Variants in RBM6 observed in about 807,000 individuals in gnomAD.
RBM6 encodes RNA binding motif protein 6.
A neutral mutation model predicts 140.4 loss-of-function variants in RBM6; 23 were observed. That is an observed-to-expected ratio of 0.16 (90% CI 0.12 to 0.23). The LOEUF is 0.23. Ranked by LOEUF, RBM6 falls within the 10% of genes least tolerant of loss-of-function variation. The probability of loss-of-function intolerance (pLI) is 1.00; values close to 1 mark genes in which losing one functional copy is unlikely to be tolerated. For synonymous variants in RBM6, 439 were observed against 475.6 expected, an observed-to-expected ratio of 0.92 and a Z score of 1.00; for missense variants, 1,139 against 1,386.7, an observed-to-expected ratio of 0.82 and a Z score of 2.84.
chr3:50,021,715 A>T (rs975227982), intron 6 of RBM6, among the ~76,000 whole-genome samples: 1 of 138,940 alleles, frequency 7.2e-6, no homozygotes, highest in African/African-American at 2.7e-5. Flanking sequence ...TGATATATTC[A>T]TCTCCATACT....
intron 16 of RBM6, chr3:50,065,685 C>A (rs965245294): frequency 6.6e-6 from 3 of 455,362 alleles, no homozygotes; most frequent in Non-Finnish European, 1.3e-5. Context: ...TGATCATAGA[C>A]CAATGATTAT....
At chr3:50,004,729 C>G (rs972768467) in intron 6 of RBM6, among the ~76,000 whole-genome samples, 3 of 152,056 alleles carry the variant, frequency 2.0e-5, no homozygotes, top group Non-Finnish European at 4.4e-5. Context: ...AAGCAATCCT[C>G]TCACCTCAGC....
Position 49,980,887 on chromosome 3 carries a change from A to G in RBM6, c.1483+5495A>G, listed in dbSNP as rs143056694. 2.8e-4 allele frequency among the ~76,000 whole-genome samples: 42 copies of G among 151,896 alleles called. 2 individuals are homozygous for G. Among genetic ancestry groups the G allele is most frequent in the East Asian group, 1.9e-3 (10 of 5,174 alleles). On this transcript the variant is annotated intron_variant, in intron 5 of 20. Coordinates refer to ENST00000266022, the MANE Select transcript of RBM6 (RefSeq NM_005777.3). ...CAATAAAAAGTTGAAAAACTGACAA[A>G]ACTGATTTATTTTATTTTATTTTTT... is the stretch of plus-strand genomic sequence containing the variant.
At chr3:50,028,054 T>G (rs1157783750) in intron 6 of RBM6, among the ~76,000 whole-genome samples, 1 of 124,238 alleles carries the variant, frequency 8.0e-6, no homozygotes, top group East Asian at 3.4e-4. Flanking sequence ...TGGTTTGGGG[T>G]TTTGTACTTG....
intron 5 of RBM6, chr3:49,981,485 A>G (rs1051765307): frequency 2.0e-5 from 3 of 152,210 alleles, no homozygotes; most frequent in Non-Finnish European, 2.9e-5. Context: ...GTGTTTGTTT[A>G]GATTCTTTAT....
At chr3:50,040,493 T>TATATATACACACACAC (rs749096137) in intron 6 of RBM6, among the ~76,000 whole-genome samples, 1 of 85,880 alleles carries the variant, frequency 1.2e-5, no homozygotes, top group African/African-American at 4.6e-5. Flanking sequence ...TATATATATA[T>TATATATACACACACAC]ACACACACAC....
At chr3:50,045,731 G>A (rs1420657899) in intron 6 of RBM6, among the ~76,000 whole-genome samples, 1 of 151,974 alleles carries the variant, frequency 6.6e-6, no homozygotes, top group African/African-American at 2.4e-5. Flanking sequence ...TGGTTCCTAG[G>A]GCTTATAATG....
chr3:49,946,357 C>T (rs1032104389), intron 1 of RBM6, among the ~76,000 whole-genome samples: 1 of 151,986 alleles, frequency 6.6e-6, no homozygotes, highest in African/African-American at 2.4e-5. Context: ...TCTCCTGCCT[C>T]AGCCTCCCGA....
intron 6 of RBM6, among the ~76,000 whole-genome samples, chr3:50,047,706 T>G (rs1410350146): frequency 6.6e-6 from 1 of 152,222 alleles, no homozygotes; most frequent in East Asian, 1.9e-4. Flanking sequence ...CTTCCTCCTT[T>G]CTTCCTGTCT....
intron 2 of RBM6, among the ~76,000 whole-genome samples, chr3:49,964,922 C>T (rs2084439309): frequency 6.6e-6 from 1 of 152,060 alleles, no homozygotes; most frequent in South Asian, 2.1e-4. Context: ...TCATTATATG[C>T]TGTTTTTTAA....
rs767295477 is a variant in RBM6 at position 50,075,287 on chromosome 3, C to A, written c.3203C>A (p.Thr1068Lys). ...VQQATGWRKG[T>K]GLGYGHPGLA... The stretch of plus-strand genomic sequence containing the variant: ...CAGGCTACTGGCTGGAGGAAAGGGA[C>A]AGGCCTGGGATATGGCCATCCTGGA... The change falls in exon 20 of 21, where the codon ACA (threonine) becomes AAA (lysine). Residue 1068 changes from threonine to lysine, a missense_variant. Thr to Lys is a moderately conservative substitution (Grantham distance 78). Coordinates refer to ENST00000266022, the MANE Select transcript of RBM6 (RefSeq NM_005777.3). 2 of 1,614,146 alleles carry A rather than the reference C, an allele frequency of 1.2e-6. No individual in the cohort carries two copies. The highest frequency in any genetic ancestry group is 1.7e-6 in the Non-Finnish European group (2 of 1,180,016).
At chr3:49,984,984 C>T (rs1399004699) in intron 5 of RBM6, among the ~76,000 whole-genome samples, 3 of 152,200 alleles carry the variant, frequency 2.0e-5, no homozygotes, top group African/African-American at 7.2e-5. Flanking sequence ...TTACAGCCCT[C>T]TGTCAGTTCC....
intron 5 of RBM6, among the ~76,000 whole-genome samples, chr3:49,996,608 C>T (rs957709085): frequency 2.6e-5 from 4 of 152,128 alleles, no homozygotes; most frequent in Admixed American, 2.6e-4. Context: ...CTAGTATAAT[C>T]AGCTCCTTAG....
chr3:49,941,964 G>A (rs929823017), intron 1 of RBM6, among the ~76,000 whole-genome samples: 1 of 151,748 alleles, frequency 6.6e-6, no homozygotes, highest in South Asian at 2.1e-4. Context: ...GCCAGGCGTG[G>A]TGGCATGCTC....
At chr3:50,025,917 A>G (rs2087789115) in intron 6 of RBM6, among the ~76,000 whole-genome samples, 1 of 152,028 alleles carries the variant, frequency 6.6e-6, no homozygotes, top group Non-Finnish European at 1.5e-5. Flanking sequence ...AACATGGTGA[A>G]ACCCCATCTC....
At chr3:49,966,499 G>C (rs1396291969) in intron 2 of RBM6, among the ~76,000 whole-genome samples, 8 of 152,212 alleles carry the variant, frequency 5.3e-5, no homozygotes, top group Non-Finnish European at 1.0e-4. Flanking sequence ...TAGTATGAAA[G>C]ATTAGGTCAC....
At chr3:50,075,973 CTT>C (rs1331876971) in intron 20 of RBM6, among the ~76,000 whole-genome samples, 13 of 143,336 alleles carry the variant, frequency 9.1e-5, no homozygotes, top group Non-Finnish European at 9.2e-5. Flanking sequence ...AGATTCTTTT[CTT>C]TTTTTTTTTT....
intron 5 of RBM6, among the ~76,000 whole-genome samples, chr3:49,995,116 T>G (rs917564166): frequency 1.3e-5 from 2 of 152,182 alleles, no homozygotes; most frequent in African/African-American, 4.8e-5. Context: ...TTGTGTACCT[T>G]ATTCTCCTGT....
intron 16 of RBM6, 102 bp from the exon 17 acceptor site, chr3:50,066,140 A>T: frequency 1.5e-6 from 2 of 1,290,714 alleles, no homozygotes; most frequent in East Asian, 2.4e-5. Flanking sequence ...TTTATTTTGA[A>T]CCCAATTCAA....
Sources: allele counts gnomAD v4.1 joint callset (sites outside exome capture counted in the v4.1 genomes callset), GRCh38; gene constraint gnomAD v4.1.1; transcripts MANE v1.5; gene names NCBI Gene and HGNC (gene_info 2026-07-23, HGNC 2026-07-21).